The following PHKB variants were observed in gnomAD, a reference collection of about 807,000 sequenced individuals.
PHKB encodes phosphorylase b kinase regulatory subunit beta.
Under a neutral mutation model 152.1 loss-of-function variants are expected in PHKB, and 122 were observed. That is an observed-to-expected ratio of 0.80 (90% CI 0.69 to 0.93). The LOEUF (loss-of-function observed/expected upper bound fraction) is 0.93. PHKB is among the 40% of genes least tolerant of loss of function. PHKB has a pLI of 0.00. For missense variants in PHKB, 1,304 were observed against 1,328.4 expected (o/e 0.98, Z 0.29); for synonymous variants, 436 against 464.9 (o/e 0.94, Z 0.80).
At chr16:47,533,847 A>G (rs1037009929) in intron 6 of PHKB, among the ~76,000 whole-genome samples, 1 of 152,030 alleles carries the variant, frequency 6.6e-6, no homozygotes. Context: ...AAGAGCACAG[A>G]GAGACCTGGG....
Position 47,461,443 on chromosome 16 carries a change from C to T in PHKB, c.76+17C>T. ...AGCGCTCAGGTTTGGCTGGCTGGGG[C>T]GCCGCCCCCCACCCGAGTACCTTGG... On this transcript the variant is annotated intron_variant, in intron 1 of 30. Coordinates refer to ENST00000323584, the MANE Select transcript of PHKB (RefSeq NM_000293.3). 3.1e-6 allele frequency: 5 copies of T among 1,611,742 alleles called. No individual in the cohort carries two copies. The highest frequency in any genetic ancestry group is 4.2e-6 in the Non-Finnish European group (5 of 1,179,180).
chr16:47,466,429 A>C (rs1969670546), intron 1 of PHKB, among the ~76,000 whole-genome samples: 1 of 152,232 alleles, frequency 6.6e-6, no homozygotes, highest in Non-Finnish European at 1.5e-5. Context: ...CAGTTCAGTT[A>C]CTTGGAATAA....
intron 27 of PHKB, among the ~76,000 whole-genome samples, chr16:47,690,273 A>T (rs1974036820): frequency 6.6e-6 from 1 of 152,250 alleles, no homozygotes; most frequent in Non-Finnish European, 1.5e-5. Flanking sequence ...CTCCAAATAG[A>T]TTAGAAATCT....
intron 7 of PHKB, among the ~76,000 whole-genome samples, chr16:47,574,417 T>C (rs1253365564): frequency 6.6e-6 from 1 of 152,240 alleles, no homozygotes; most frequent in African/African-American, 2.4e-5. Flanking sequence ...CTGAAGTTTC[T>C]TTCATTTTTT....
At position 47,469,058 on chromosome 16, in the gene PHKB, C is replaced by A. The variant is rs191042008; in HGVS notation, c.76+7632C>A. ...TCCTTATTATTAGGTAATTTTTCCC[C>A]CTTCTTAGTTTTCCTGTTCATCTTC... On this transcript the variant is annotated intron_variant, in intron 1 of 30. Coordinates refer to ENST00000323584, the MANE Select transcript of PHKB (RefSeq NM_000293.3). 4.7e-4 allele frequency among the ~76,000 whole-genome samples: 71 copies of A among 152,232 alleles called. 2 individuals are homozygous for A. Among genetic ancestry groups the A allele is most frequent in the Admixed American group, 2.7e-3 (42 of 15,296 alleles).
Position 47,587,668 on chromosome 16 carries a change from G to A in PHKB, c.775G>A (p.Gly259Ser). The change falls in exon 9 of 31, where the codon GGC becomes AGC. Residue 259 changes from glycine (G) to serine (S), a missense_variant and splice_region_variant. Gly to Ser is a moderately conservative substitution (Grantham distance 56). Transcript: ENST00000323584. The stretch of plus-strand genomic sequence containing the variant: ...AATGTTTTTCTTTTTCTCTGTCCAG[G>A]GCTGTTCGTGGTCAGTTATATTTGT... ...INGFNLFGNQ[G>S]CSWSVIFVDL... 6.2e-7 allele frequency: 1 copy of A among 1,610,460 alleles called. No individual in the cohort carries two copies. Among genetic ancestry groups the A allele is most frequent in the East Asian group, 2.2e-5 (1 of 44,852 alleles).
chr16:47,553,363 G>C (rs915502985), intron 7 of PHKB, among the ~76,000 whole-genome samples: 1 of 151,908 alleles, frequency 6.6e-6, no homozygotes, highest in African/African-American at 2.4e-5. Flanking sequence ...TGAAGTTCTC[G>C]TACTGTGTTT....
intron 8 of PHKB, among the ~76,000 whole-genome samples, chr16:47,585,092 C>A (rs926310563): frequency 1.3e-5 from 2 of 152,152 alleles, no homozygotes; most frequent in African/African-American, 4.8e-5. Context: ...CTTCCAGTCC[C>A]AGTGCATTTA....
At chr16:47,640,902 G>A (rs530266745) in intron 14 of PHKB, 133 bp from the exon 15 acceptor site, 30 of 804,114 alleles carry the variant, frequency 3.7e-5, no homozygotes, top group African/African-American at 2.5e-4. Context: ...AAAGGTGGCC[G>A]CTGAGAGCCA....
chr16:47,592,855 A>T (rs2342626), intron 10 of PHKB, among the ~76,000 whole-genome samples: 4 of 152,162 alleles, frequency 2.6e-5, no homozygotes, highest in Non-Finnish European at 4.4e-5. Flanking sequence ...AAATTTTTTT[A>T]AAAAAAGGAC....
chr16:47,533,567 G>C lies in PHKB; in HGVS notation c.595-13866G>C, dbSNP rs572145254. On this transcript the variant is annotated intron_variant, in intron 6 of 30. Transcript: ENST00000323584. ...CTGGAGGGGGCCGAGGCTGCAGGGG[G>C]CTGGCATGTTTGCACCGCCCTGAGC... Among the ~76,000 whole-genome samples the C allele has an allele frequency of 1.6e-3, 240 of 152,320 alleles. 4 individuals are homozygous for C. The highest frequency in any genetic ancestry group is 2.7e-3 in the Non-Finnish European group (187 of 68,014).
intron 14 of PHKB, among the ~76,000 whole-genome samples, chr16:47,617,544 T>TG (rs1172415612): frequency 2.0e-5 from 3 of 152,124 alleles, no homozygotes. Context: ...ATGCCATATT[T>TG]GTCTTTCTGC....
At chr16:47,599,706 G>T (rs1972186878) in intron 13 of PHKB, among the ~76,000 whole-genome samples, 1 of 152,178 alleles carries the variant, frequency 6.6e-6, no homozygotes, top group South Asian at 2.1e-4. Context: ...TTCTGAAAAG[G>T]CAGTGAGAAC....
At chr16:47,497,108 T>A (rs1970244754) in intron 1 of PHKB, among the ~76,000 whole-genome samples, 1 of 152,176 alleles carries the variant, frequency 6.6e-6, no homozygotes, top group Non-Finnish European at 1.5e-5. Context: ...ACATGAGTAT[T>A]AGTGACACTT....
chr16:47,604,424 T>C (rs1056460211), intron 13 of PHKB, among the ~76,000 whole-genome samples: 2 of 151,324 alleles, frequency 1.3e-5, no homozygotes, highest in Middle Eastern at 3.2e-3. Flanking sequence ...CTAAAATGCA[T>C]ACACACACAC....
At chr16:47,588,410 T>A (rs1971970931) in intron 9 of PHKB, among the ~76,000 whole-genome samples, 1 of 151,996 alleles carries the variant, frequency 6.6e-6, no homozygotes, top group African/African-American at 2.4e-5. Context: ...TCACTTATTT[T>A]TAGACATATA....
intron 6 of PHKB, among the ~76,000 whole-genome samples, chr16:47,517,757 T>C (rs922606363): frequency 6.6e-6 from 1 of 152,150 alleles, no homozygotes; most frequent in Admixed American, 6.5e-5. Context: ...ACTGCTTTTT[T>C]TAAAAAAATT....
chr16:47,549,362 G>A lies in PHKB; in HGVS notation c.710+1814G>A, dbSNP rs888189796. 9.2e-5 allele frequency among the ~76,000 whole-genome samples: 14 copies of A among 152,176 alleles called. No homozygotes were observed. In the East Asian group the frequency reaches 1.5e-3, roughly 17 times the overall value. On this transcript the variant is annotated intron_variant, in intron 7 of 30. Transcript: ENST00000323584. ...CTGACCCCATTGCCATATTTTCAGC[G>A]TGAAATATTTGGAATAGAAGTTTTT...
chr16:47,595,683 T>G (rs1972106074), intron 12 of PHKB, among the ~76,000 whole-genome samples: 1 of 152,210 alleles, frequency 6.6e-6, no homozygotes, highest in Non-Finnish European at 1.5e-5. Context: ...TAAAAATAGC[T>G]TCCTCTGTGG....
Sources: allele counts gnomAD v4.1 joint callset (sites outside exome capture counted in the v4.1 genomes callset), GRCh38; gene constraint gnomAD v4.1.1; transcripts MANE v1.5; gene names NCBI Gene and HGNC (gene_info 2026-07-23, HGNC 2026-07-21).